Variants in MLIP observed in about 807,000 individuals in gnomAD.
MLIP encodes the protein muscular LMNA-interacting protein.
A neutral mutation model predicts 84.8 loss-of-function variants in MLIP; 79 were observed. That is an observed-to-expected ratio of 0.93 (90% CI 0.78 to 1.12). MLIP has a LOEUF of 1.12. Among genes scored for constraint, MLIP ranks in the 50% most tolerant of loss-of-function variants. The probability of loss-of-function intolerance (pLI) is 0.00; values close to 1 mark genes in which losing one functional copy is unlikely to be tolerated. For synonymous variants in MLIP, 504 were observed against 463.0 expected (o/e 1.09, Z -1.14); for missense variants, 1,257 against 1,160.6 (o/e 1.08, Z -1.21).
chr6:54,251,486 C>G (rs1782482532), intron 12 of MLIP, among the ~76,000 whole-genome samples: 2 of 116,676 alleles, frequency 1.7e-5, no homozygotes, highest in African/African-American at 8.5e-5. Flanking sequence ...CCATATGAGA[C>G]AGATAATAAT....
At chr6:54,026,742 T>TGTG (rs397771482) in intron 1 of MLIP, among the ~76,000 whole-genome samples, 1 of 149,910 alleles carries the variant, frequency 6.7e-6, no homozygotes, top group Admixed American at 6.6e-5. Context: ...TGTGTGTGTG[T>TGTG]TGATGGTGAC....
At chr6:54,096,174 T>C (rs983002844) in intron 1 of MLIP, among the ~76,000 whole-genome samples, 3 of 152,204 alleles carry the variant, frequency 2.0e-5, no homozygotes, top group African/African-American at 7.2e-5. Context: ...CCAAGATACT[T>C]GGAACTTTTT....
chr6:54,232,206 A>T (rs1020599262), intron 12 of MLIP, among the ~76,000 whole-genome samples: 2 of 152,128 alleles, frequency 1.3e-5, no homozygotes, highest in Non-Finnish European at 2.9e-5. Context: ...TGAGTTAATA[A>T]TTCTGATAAT....
chr6:54,059,473 A>C (rs1019090264), intron 1 of MLIP, among the ~76,000 whole-genome samples: 13 of 152,230 alleles, frequency 8.5e-5, no homozygotes, highest in African/African-American at 3.1e-4. Context: ...AGAAATTAAT[A>C]TATGAGGAGG....
At chr6:54,105,256 T>C (rs576774295) in intron 1 of MLIP, among the ~76,000 whole-genome samples, 13 of 152,312 alleles carry the variant, frequency 8.5e-5, no homozygotes, top group African/African-American at 3.1e-4. Flanking sequence ...CTGCTGTTAC[T>C]TGCGTCCTGC....
At chr6:54,139,591 C>T (rs1350974030) in intron 4 of MLIP, among the ~76,000 whole-genome samples, 1 of 152,034 alleles carries the variant, frequency 6.6e-6, no homozygotes, top group African/African-American at 2.4e-5. Context: ...TGCTAGTATA[C>T]AAAATAGTTG....
chr6:54,103,823 T>C (rs1768822457), intron 1 of MLIP, among the ~76,000 whole-genome samples: 2 of 152,328 alleles, frequency 1.3e-5, no homozygotes, highest in Middle Eastern at 3.4e-3. Context: ...CTATTCTTTA[T>C]GTTGCCCAAG....
intron 11 of MLIP, among the ~76,000 whole-genome samples, chr6:54,202,905 T>C: frequency 6.6e-6 from 1 of 152,074 alleles, no homozygotes; most frequent in East Asian, 1.9e-4. Flanking sequence ...TCTCAAAAAA[T>C]AAAATAAAAT....
rs561762367 is a variant in MLIP, at chr6:54,199,929, G to A, written c.2590-2176G>A. The stretch of plus-strand genomic sequence containing the variant: ...GAGACTTCATATAGCCCAAACCTGG[G>A]AACACAAAGTCCAAGAAAAGAACGT... On this transcript the variant is annotated intron_variant, in intron 10 of 13. Transcript: ENST00000502396. Among the ~76,000 whole-genome samples the A allele has an allele frequency of 2.6e-5, 4 of 152,198 alleles. No homozygotes were observed. The South Asian group carries it at 6.2e-4, about 24-fold the overall frequency.
At chr6:54,150,688 A>G (rs1773351056) in intron 5 of MLIP, among the ~76,000 whole-genome samples, 1 of 152,188 alleles carries the variant, frequency 6.6e-6, no homozygotes, top group Non-Finnish European at 1.5e-5. Flanking sequence ...TAGAAAAATG[A>G]AAGTTAATTC....
At chr6:54,084,677 T>A (rs1236600087) in intron 1 of MLIP, among the ~76,000 whole-genome samples, 1 of 152,198 alleles carries the variant, frequency 6.6e-6, no homozygotes, top group African/African-American at 2.4e-5. Context: ...TTTGAATTCC[T>A]CAAATAGGGA....
chr6:54,237,917 G>C (rs550867604), intron 12 of MLIP, among the ~76,000 whole-genome samples: 1 of 152,260 alleles, frequency 6.6e-6, no homozygotes, highest in South Asian at 2.1e-4. Flanking sequence ...TTATGCTTTG[G>C]ACTATGTATA....
intron 1 of MLIP, among the ~76,000 whole-genome samples, chr6:54,089,324 C>T (rs1767706680): frequency 6.6e-6 from 1 of 152,110 alleles, no homozygotes; most frequent in African/African-American, 2.4e-5. Flanking sequence ...CGGGAATTAC[C>T]TTAAGCTAAG....
chr6:54,185,207 G>C (rs1053612308), intron 9 of MLIP, among the ~76,000 whole-genome samples: 11 of 152,174 alleles, frequency 7.2e-5, no homozygotes, highest in Non-Finnish European at 1.3e-4. Flanking sequence ...CAAAGGATTG[G>C]ATGTAATTGG....
In MLIP at chr6:54,225,614, A is replaced by G. The variant is rs550227662; in HGVS notation, c.2719-5100A>G. Among the ~76,000 whole-genome samples, 8 of 152,356 alleles carry G rather than the reference A, an allele frequency of 5.3e-5. No homozygotes were observed. The South Asian group carries it at 6.2e-4, about 12-fold the overall frequency. ...AGGAAACTTCAGCTCAAACTCAGTT[A>G]TAAATATCAATGCAGATATCTCAAT... is the stretch of plus-strand genomic sequence containing the variant. On this transcript the variant is annotated intron_variant, in intron 11 of 13. Transcript: ENST00000502396.
Position 54,206,707 on chromosome 6 carries a change from T to C in MLIP, c.2718+4474T>C, listed in dbSNP as rs978661658. On this transcript the variant is annotated intron_variant, in intron 11 of 13. Transcript: ENST00000502396. ...TTGACATTCAACTTTGATGATTATG[T>C]CAGTGACTTTCAGGTTTCTATCTAA... Among the ~76,000 whole-genome samples the C allele has an allele frequency of 2.6e-5, 4 of 152,336 alleles. 1 individual carries two copies. The South Asian group carries it at 8.3e-4, about 32-fold the overall frequency.
At chr6:54,216,642 T>C (rs1310738528) in intron 11 of MLIP, 3 of 973,118 alleles carry the variant, frequency 3.1e-6, no homozygotes, top group African/African-American at 3.5e-5. Context: ...TAGCTAAGCA[T>C]ATGCTAAATT....
At chr6:54,050,919 A>G (rs1373616235) in intron 1 of MLIP, among the ~76,000 whole-genome samples, 2 of 152,168 alleles carry the variant, frequency 1.3e-5, no homozygotes, top group Non-Finnish European at 2.9e-5. Context: ...TGTGTTTACA[A>G]AACATACTCT....
chr6:54,201,026 A>T (rs1289076208), intron 10 of MLIP, among the ~76,000 whole-genome samples: 1 of 152,232 alleles, frequency 6.6e-6, no homozygotes, highest in African/African-American at 2.4e-5. Context: ...AAAAGTGCTT[A>T]AACAGAAAGA....
Sources: allele counts gnomAD v4.1 joint callset (sites outside exome capture counted in the v4.1 genomes callset), GRCh38; gene constraint gnomAD v4.1.1; transcripts MANE v1.5; gene names NCBI Gene and HGNC (gene_info 2026-07-23, HGNC 2026-07-21).